The following ARMH3 variants were observed in gnomAD, a reference collection of about 807,000 sequenced individuals.
ARMH3 encodes armadillo-like helical domain-containing protein 3.
A neutral mutation model predicts 99.1 loss-of-function variants in ARMH3; 60 were observed. That is an observed-to-expected ratio of 0.61 (90% CI 0.49 to 0.75). ARMH3 has a LOEUF of 0.75. Among genes scored for constraint, ARMH3 ranks in the 30% least tolerant of loss-of-function variants. The pLI is 0.00. For synonymous variants in ARMH3, 285 were observed against 292.8 expected (o/e 0.97, Z 0.27); for missense variants, 679 against 843.1 (o/e 0.81, Z 2.41).
intron 20 of ARMH3, among the ~76,000 whole-genome samples, chr10:101,974,376 A>G (rs1354754067): frequency 6.6e-6 from 1 of 152,172 alleles, no homozygotes; most frequent in Non-Finnish European, 1.5e-5. Flanking sequence ...GAAAATACAG[A>G]GCAGCTCTCC....
intron 6 of ARMH3, 67 bp downstream of exon 6, chr10:102,025,089 G>T: frequency 1.5e-6 from 2 of 1,292,528 alleles, no homozygotes; most frequent in Non-Finnish European, 2.2e-6. Flanking sequence ...CTATCTTTGG[G>T]CTCAAGTATT....
chr10:101,991,539 ACCAG>A (rs1224119682), intron 18 of ARMH3, among the ~76,000 whole-genome samples: 1 of 151,970 alleles, frequency 6.6e-6, no homozygotes, highest in Non-Finnish European at 1.5e-5. Flanking sequence ...CGCCAACACG[ACCAG>A]CTAATTTTTG....
At chr10:101,870,175 G>A (rs1434209627) in intron 24 of ARMH3, among the ~76,000 whole-genome samples, 1 of 152,196 alleles carries the variant, frequency 6.6e-6, no homozygotes, top group African/African-American at 2.4e-5. Flanking sequence ...TCATGAATTT[G>A]AGAGGGCATC....
At chr10:101,934,217 CAT>C (rs561722004) in intron 23 of ARMH3, among the ~76,000 whole-genome samples, 38 of 152,242 alleles carry the variant, frequency 2.5e-4, no homozygotes, top group South Asian at 1.7e-3. Flanking sequence ...TACACTTAAC[CAT>C]GTGTGTGTGT....
intron 24 of ARMH3, among the ~76,000 whole-genome samples, chr10:101,875,892 C>A (rs2067249223): frequency 6.6e-6 from 1 of 152,134 alleles, no homozygotes. Flanking sequence ...TTACCTTGCA[C>A]AAGCAAGGCA....
intron 8 of ARMH3, among the ~76,000 whole-genome samples, chr10:102,017,505 T>C (rs1285542871): frequency 1.3e-5 from 2 of 152,230 alleles, no homozygotes; most frequent in Non-Finnish European, 2.9e-5. Context: ...AGCCATTGCC[T>C]CAGAGTGGAC....
At chr10:101,914,638 G>A (rs1057026421) in intron 23 of ARMH3, among the ~76,000 whole-genome samples, 3 of 151,746 alleles carry the variant, frequency 2.0e-5, no homozygotes, top group Admixed American at 6.6e-5. Flanking sequence ...GGCCGAGGCA[G>A]GTGGATCACC....
intron 24 of ARMH3, among the ~76,000 whole-genome samples, chr10:101,881,711 T>C (rs1410413311): frequency 6.6e-6 from 1 of 152,080 alleles, no homozygotes; most frequent in Non-Finnish European, 1.5e-5. Flanking sequence ...GCGATAGGGA[T>C]TATGGAGGCT....
chr10:101,917,057 C>T (rs1243193486), intron 23 of ARMH3, among the ~76,000 whole-genome samples: 1 of 152,200 alleles, frequency 6.6e-6, no homozygotes, highest in Non-Finnish European at 1.5e-5. Flanking sequence ...CCTCCATAAT[C>T]ATGTGAACTA....
intron 24 of ARMH3, among the ~76,000 whole-genome samples, chr10:101,883,749 T>C (rs762270019): frequency 4.3e-4 from 66 of 152,064 alleles, no homozygotes; most frequent in Non-Finnish European, 8.4e-4. Flanking sequence ...CCCAGCACTT[T>C]GGGAGGCAAA....
intron 20 of ARMH3, 140 bp downstream of exon 20, chr10:101,975,072 A>AAT: frequency 5.0e-6 from 2 of 401,092 alleles, no homozygotes; most frequent in Non-Finnish European, 8.8e-6. Flanking sequence ...AAAAAAAAAA[A>AAT]AAGACAAAAA....
chr10:101,930,220 A>G (rs1215427331), intron 23 of ARMH3, among the ~76,000 whole-genome samples: 3 of 152,142 alleles, frequency 2.0e-5, no homozygotes, highest in African/African-American at 7.2e-5. Flanking sequence ...AAACCACAAA[A>G]TCATCTCAAT....
At chr10:101,895,231 C>T (rs1237036640) in intron 23 of ARMH3, among the ~76,000 whole-genome samples, 2 of 151,376 alleles carry the variant, frequency 1.3e-5, no homozygotes, top group African/African-American at 2.4e-5. Flanking sequence ...TAAAACAACT[C>T]GAAATGGATC....
chr10:101,875,232 GAA>G (rs200513572), intron 24 of ARMH3, among the ~76,000 whole-genome samples: 1 of 141,794 alleles, frequency 7.1e-6, no homozygotes. Context: ...CAAAGTGACT[GAA>G]AAAAAAAAAA....
chr10:101,855,830 T>C (rs1301555030), intron 24 of ARMH3, among the ~76,000 whole-genome samples: 2 of 150,820 alleles, frequency 1.3e-5, no homozygotes, highest in African/African-American at 4.9e-5. Flanking sequence ...TGAAATCACT[T>C]AGCTAGTTCA....
At chr10:101,933,703 A>G (rs549317633) in intron 23 of ARMH3, among the ~76,000 whole-genome samples, 9 of 151,674 alleles carry the variant, frequency 5.9e-5, no homozygotes, top group South Asian at 2.1e-4. Flanking sequence ...TGATTAACAG[A>G]AAAAAAAAGG....
At chr10:101,944,265 TATATATATAGAGAGAG>T (rs1439354682) in intron 22 of ARMH3, among the ~76,000 whole-genome samples, 5 of 56,458 alleles carry the variant, frequency 8.9e-5, no homozygotes, top group Admixed American at 2.2e-4. Context: ...TATATATATA[TATATATATAGAGAGAG>T]AGAGAGAGAG....
rs562080599 is a variant in ARMH3 at position 101,980,689 on chromosome 10, G to T, written c.1407-5389C>A. Among the ~76,000 whole-genome samples, 35 of 152,056 alleles carry T rather than the reference G, an allele frequency of 2.3e-4. 1 individual carries two copies. The South Asian group carries it at 7.1e-3, about 31-fold the overall frequency. ...TAGCAGACACCACATTAATCTGTGG[G>T]GTATCAATCTGACAGCTGACGGAAT... On this transcript the variant is annotated intron_variant, in intron 19 of 25. Transcript: ENST00000370033.
chr10:101,893,350 G>C, intron 23 of ARMH3, among the ~76,000 whole-genome samples: 1 of 151,768 alleles, frequency 6.6e-6, no homozygotes, highest in Middle Eastern at 3.4e-3. Flanking sequence ...TTTGTTTTTT[G>C]TTTTTTTAAA....
Sources: gnomAD v4.1 joint callset for allele counts (sites outside exome capture counted in the v4.1 genomes callset) on GRCh38, gnomAD v4.1.1 for gene constraint, MANE v1.5 for transcripts, NCBI Gene and HGNC (gene_info 2026-07-23, HGNC 2026-07-21) for gene names.